DSG3: variants seen among roughly 807,000 people sequenced by gnomAD.
The protein encoded by DSG3 is desmoglein 3, also known as desmoglein-3.
Under a neutral mutation model 85.9 loss-of-function variants are expected in DSG3, and 63 were observed. That is an observed-to-expected ratio of 0.73 (90% CI 0.60 to 0.90). The LOEUF (loss-of-function observed/expected upper bound fraction) is 0.90. Ranked by LOEUF, DSG3 falls within the 40% of genes least tolerant of loss-of-function variation. The pLI is 0.00. For synonymous variants in DSG3, 447 were observed against 441.9 expected (o/e 1.01, Z -0.14); for missense variants, 1,220 against 1,219.9 (o/e 1.00, Z 0.00).
intron 8 of DSG3, 74 bp downstream of exon 8, chr18:31,461,486 GT>G (rs2072786125): frequency 3.8e-6 from 5 of 1,301,578 alleles, no homozygotes; most frequent in Non-Finnish European, 4.3e-6. Flanking sequence ...CAGATAAAAT[GT>G]ATTTATTTGT....
intron 1 of DSG3, among the ~76,000 whole-genome samples, chr18:31,450,369 T>C (rs1341131342): frequency 6.6e-6 from 1 of 152,176 alleles, no homozygotes; most frequent in East Asian, 1.9e-4. Context: ...TTGGAGAATC[T>C]GGACATGAAT....
intron 1 of DSG3, among the ~76,000 whole-genome samples, chr18:31,452,828 T>C (rs2072719751): frequency 1.3e-5 from 2 of 152,326 alleles, no homozygotes; most frequent in East Asian, 1.9e-4. Flanking sequence ...TCCAATTTTA[T>C]ATTATCATAC....
intron 5 of DSG3, among the ~76,000 whole-genome samples, chr18:31,459,462 G>A (rs1281558656): frequency 2.0e-5 from 3 of 152,124 alleles, no homozygotes; most frequent in Non-Finnish European, 4.4e-5. Context: ...AGCTAAACAG[G>A]CAGCCTTGGG....
In DSG3 at chr18:31,466,753, T is replaced by C; in HGVS notation, c.1635T>C (p.Asn545=). The change falls in exon 11 of 16, where the codon AAT becomes AAC. Residue 545 remains asparagine, a splice_region_variant and synonymous_variant. Coordinates refer to ENST00000257189, the MANE Select transcript of DSG3 (RefSeq NM_001944.3). Reference sequence around the variant, plus strand: ...CCGTATGGAGTATCACAACCCTCAATGGTGAGTAACAGTAAAGTTGCTTCT... The same window carrying C: ...CCGTATGGAGTATCACAACCCTCAACGGTGAGTAACAGTAAAGTTGCTTCT... The part of the protein sequence containing the change: ...LPAVWSITTL[N]ATSALLRAQE... The C allele has an allele frequency of 6.2e-7, 1 of 1,613,478 alleles. No individual in the cohort carries two copies. Among genetic ancestry groups the C allele is most frequent in the East Asian group, 2.2e-5 (1 of 44,874 alleles).
At chr18:31,456,895 G>A in intron 2 of DSG3, 98 bp from the exon 3 acceptor site, 1 of 1,275,954 alleles carries the variant, frequency 7.8e-7, no homozygotes, top group Non-Finnish European at 1.1e-6. Context: ...TAGTGATCTT[G>A]AAACATAGGG....
intron 7 of DSG3, 53 bp from the exon 8 acceptor site, chr18:31,461,174 T>C (rs2072782948): frequency 6.9e-7 from 1 of 1,444,952 alleles, no homozygotes; most frequent in Non-Finnish European, 9.3e-7. Flanking sequence ...AAACATAATC[T>C]CTCCATGTAA....
Position 31,474,137 on chromosome 18 carries a change from G to A in DSG3, c.2118G>A (p.Thr706=), listed in dbSNP as rs72925163. The A allele has an allele frequency of 0.015, 24,816 of 1,612,830 alleles. 270 individuals are homozygous for A. The highest frequency in any genetic ancestry group is 0.04 in the Middle Eastern group (240 of 6,052). The change falls in exon 15 of 16, where the codon ACG becomes ACA. Residue 706 remains threonine, a synonymous_variant. Transcript: ENST00000257189. ...TGTTTTTAGAAGTTTGTACAAATAC[G>A]TATGCCAGAGGCACAGCGGTGGAAG... ...FMESSEVCTN[T]YARGTAVEGT...
intron 15 of DSG3, among the ~76,000 whole-genome samples, 175 bp from the exon 16 acceptor site, chr18:31,475,471 G>C (rs2072880563): frequency 6.6e-6 from 1 of 152,196 alleles, no homozygotes; most frequent in African/African-American, 2.4e-5. Flanking sequence ...CAACCATACT[G>C]TTGTCCAAAC....
Position 31,464,532 on chromosome 18 carries a change from G to A in DSG3, c.1271+150G>A, listed in dbSNP as rs1259963876. On this transcript the variant is annotated intron_variant, in intron 9 of 15. Coordinates refer to ENST00000257189, the MANE Select transcript of DSG3 (RefSeq NM_001944.3). ...TGGGTAACTCAAAAAGTAACATTTA[G>A]CTAAATCATTAGGTGATCATCTAAC... The A allele has an allele frequency of 2.5e-5, 21 of 830,148 alleles. No homozygotes were observed. In the East Asian group the frequency reaches 6.0e-4, roughly 24 times the overall value. The allele number at this position is 830,148 out of a possible 1,614,324, so 51.4% of individuals were successfully genotyped here.
intron 1 of DSG3, among the ~76,000 whole-genome samples, chr18:31,455,021 CAAAAAA>C (rs541940386): frequency 1.1e-5 from 1 of 94,062 alleles, no homozygotes. Flanking sequence ...AACTCCGTCT[CAAAAAA>C]AAAAAAAAAA....
chr18:31,455,221 A>C (rs2072734935), intron 1 of DSG3, among the ~76,000 whole-genome samples: 1 of 152,292 alleles, frequency 6.6e-6, no homozygotes, highest in South Asian at 2.1e-4. Flanking sequence ...TAAAACAGTA[A>C]GTATAAAGCT....
chr18:31,464,690 G>A (rs895911789), intron 9 of DSG3, among the ~76,000 whole-genome samples: 13 of 152,164 alleles, frequency 8.5e-5, no homozygotes, highest in African/African-American at 3.1e-4. Context: ...GAGTAGAAGT[G>A]CACCATGAGA....
intron 3 of DSG3, among the ~76,000 whole-genome samples, chr18:31,457,569 CTTT>C (rs2072753631): frequency 1.1e-5 from 1 of 93,148 alleles, no homozygotes; most frequent in Admixed American, 1.0e-4. Flanking sequence ...TTCTTTCTTT[CTTT>C]CTTTCTTTCT....
At chr18:31,468,392 G>C (rs138360882) in intron 11 of DSG3, among the ~76,000 whole-genome samples, 57 of 152,340 alleles carry the variant, frequency 3.7e-4, no homozygotes, top group Non-Finnish European at 7.8e-4. Context: ...ACATACAAGA[G>C]AGTGGTTAAG....
At position 31,476,186 on chromosome 18, in the gene DSG3, C is replaced by A; in HGVS notation, c.2926C>A (p.Leu976Ile). 1.2e-6 allele frequency: 2 copies of A among 1,614,150 alleles called. No individual in the cohort carries two copies. The highest frequency in any genetic ancestry group is 1.3e-5 in the African/African-American group (1 of 75,040). The change falls in exon 16 of 16, where the codon CTA (leucine) becomes ATA (isoleucine). Residue 976 changes from leucine to isoleucine, a missense_variant. Leu to Ile is a conservative substitution (Grantham distance 5). Transcript: ENST00000257189. ...ICPISSVPGN[L>I]AGPTQLRGSH... ...TCCCATTTCCAGTGTTCCTGGCAAC[C>A]TAGCTGGCCCAACGCAGCTACGAGG...
chr18:31,468,755 G>C (rs1390747384), intron 11 of DSG3, among the ~76,000 whole-genome samples: 1 of 152,112 alleles, frequency 6.6e-6, no homozygotes, highest in African/African-American at 2.4e-5. Flanking sequence ...GAGGAAATGA[G>C]GTCATGAGAG....
intron 10 of DSG3, 66 bp downstream of exon 10, chr18:31,465,523 T>G: frequency 2.4e-6 from 3 of 1,256,360 alleles, no homozygotes; most frequent in Middle Eastern, 2.1e-4. Context: ...TATGCATAGA[T>G]GATTATGATT....
At chr18:31,460,165 G>C (rs1205823512) in intron 6 of DSG3, among the ~76,000 whole-genome samples, 154 bp downstream of exon 6, 2 of 152,200 alleles carry the variant, frequency 1.3e-5, no homozygotes, top group East Asian at 3.9e-4. Flanking sequence ...GCATTTTTAA[G>C]TGTGATTCTG....
At position 31,471,121 on chromosome 18, in the gene DSG3, T is replaced by C. The variant is rs150404618; in HGVS notation, c.1898-1163T>C. ...CATTGTAAAAGTTCAAGAGAGATGA[T>C]GAAGGTCAGATTTCGAGCTGTGACA... On this transcript the variant is annotated intron_variant, in intron 12 of 15. Transcript: ENST00000257189. 3.0e-3 allele frequency among the ~76,000 whole-genome samples: 457 copies of C among 152,256 alleles called. 2 individuals are homozygous for C. The highest frequency in any genetic ancestry group is 0.011 in the African/African-American group (447 of 41,544).
Sources: allele counts gnomAD v4.1 joint callset (sites outside exome capture counted in the v4.1 genomes callset), GRCh38; gene constraint gnomAD v4.1.1; transcripts MANE v1.5; gene names NCBI Gene and HGNC (gene_info 2026-07-23, HGNC 2026-07-21).